Variants in KMT5B observed in about 807,000 individuals in gnomAD.
The protein encoded by KMT5B is histone-lysine N-methyltransferase KMT5B.
KMT5B carries 10 observed loss-of-function variants against 83.2 expected under a neutral mutation model. The ratio of observed to expected loss-of-function variants is 0.12; its 90% CI spans 0.07 to 0.20. The LOEUF (loss-of-function observed/expected upper bound fraction) is 0.20. KMT5B is among the 10% of genes least tolerant of loss of function. The pLI is 1.00. For synonymous variants in KMT5B, 349 were observed against 388.8 expected, an observed-to-expected ratio of 0.90 and a Z score of 1.20; for missense variants, 753 against 1,067.2, an observed-to-expected ratio of 0.71 and a Z score of 4.10.
intron 1 of KMT5B, among the ~76,000 whole-genome samples, chr11:68,198,244 C>T (rs1202109033): frequency 1.3e-5 from 2 of 152,014 alleles, no homozygotes; most frequent in African/African-American, 2.4e-5. Flanking sequence ...ATTAGCCAGG[C>T]GTGGTGTCAC....
rs776216673 is a variant in KMT5B, at chr11:68,158,923, A to C, written c.1423T>G (p.Leu475Val). The stretch of plus-strand genomic sequence containing the variant: ...ACTACTTTAGGCTCTTTCAGTACTA[A>C]GTTTCCCATTTCGAGTTTTCTTGAA... ...NASRKLEMGN[L>V]VLKEPKVVLY... The change falls in exon 11 of 11, where the codon TTA (leucine) becomes GTA (valine). Residue 475 changes from leucine (L) to valine (V), a missense_variant. Leu to Val is a conservative substitution (Grantham distance 32, BLOSUM62 1). Coordinates refer to ENST00000304363, the MANE Select transcript of KMT5B (RefSeq NM_017635.5). 6.2e-7 allele frequency: 1 copy of C among 1,613,818 alleles called. No individual in the cohort carries two copies. The highest frequency in any genetic ancestry group is 8.5e-7 in the Non-Finnish European group (1 of 1,179,982).
In KMT5B at chr11:68,198,386, AAGAAAAGAAG is replaced by A. The variant is rs200449105; in HGVS notation, c.-76-8244_-76-8235del. On this transcript the variant is annotated intron_variant, in intron 1 of 10. Transcript: ENST00000304363. ...CTGGGCGACACAGCAAGACTGTGAA[AAGAAAAGAAG>A]AGAAAAGAAGAGGAAAGAAGATGAA... 8.0e-3 allele frequency among the ~76,000 whole-genome samples: 1,218 copies of A among 152,082 alleles called. 22 individuals are homozygous for A. The highest frequency in any genetic ancestry group is 0.027 in the African/African-American group (1,117 of 41,404).
intron 5 of KMT5B, 170 bp from the exon 6 acceptor site, chr11:68,174,083 T>C: frequency 3.0e-6 from 2 of 666,318 alleles, no homozygotes; most frequent in Non-Finnish European, 5.5e-6. Flanking sequence ...CATGATGGCA[T>C]GTACCTTTAG....
At chr11:68,178,502 C>T (rs1210862467) in intron 4 of KMT5B, among the ~76,000 whole-genome samples, 1 of 152,194 alleles carries the variant, frequency 6.6e-6, no homozygotes, top group African/African-American at 2.4e-5. Flanking sequence ...TCCCTTGCTA[C>T]CAATAGCAAG....
chr11:68,190,436 T>G (rs972816533), intron 1 of KMT5B, among the ~76,000 whole-genome samples: 17 of 152,174 alleles, frequency 1.1e-4, no homozygotes, highest in Non-Finnish European at 2.4e-4. Context: ...TTAAGTTAAC[T>G]ATAAAACAGC....
Position 68,157,465 on chromosome 11 carries a change from A to C in KMT5B, c.*223T>G, listed in dbSNP as rs190932792. On this transcript the variant is annotated 3_prime_UTR_variant, in exon 11 of 11. Coordinates refer to ENST00000304363, the MANE Select transcript of KMT5B (RefSeq NM_017635.5). ...TATTTTACAACAGGGCTTTACCTCT[A>C]ACTCAGAATTGCACGTAAGAAGGCT... The C allele has an allele frequency of 1.1e-5, 6 of 538,038 alleles. No individual in the cohort carries two copies. In the East Asian group the frequency reaches 2.3e-4, roughly 21 times the overall value. 33.3% of individuals were successfully genotyped at this position (538,038 alleles called of 1,614,324 possible). A position where few individuals can be genotyped will look rare whatever the true frequency, so the allele number is the denominator to read the frequency against.
chr11:68,194,262 G>A (rs1451189964), intron 1 of KMT5B, among the ~76,000 whole-genome samples: 1 of 150,264 alleles, frequency 6.7e-6, no homozygotes, highest in Non-Finnish European at 1.5e-5. Flanking sequence ...CACGATCTTG[G>A]CTCACTGCAA....
intron 10 of KMT5B, among the ~76,000 whole-genome samples, chr11:68,164,321 C>T (rs751874780): frequency 6.6e-6 from 1 of 152,204 alleles, no homozygotes; most frequent in Non-Finnish European, 1.5e-5. Flanking sequence ...AAACGAACCA[C>T]ATGATAAAGA....
chr11:68,159,863 C>T (rs1030809072), intron 10 of KMT5B, among the ~76,000 whole-genome samples: 1 of 152,224 alleles, frequency 6.6e-6, no homozygotes, highest in Non-Finnish European at 1.5e-5. Flanking sequence ...TCAGCCCCAT[C>T]CCTTCAGTGA....
chr11:68,157,658 G>C lies in KMT5B; in HGVS notation c.*30C>G, dbSNP rs1274667831. 4 of 1,508,502 alleles carry C rather than the reference G, an allele frequency of 2.7e-6. No homozygotes were observed. Among genetic ancestry groups the C allele is most frequent in the Non-Finnish European group, 3.5e-6 (4 of 1,132,180 alleles). 93.4% of individuals were successfully genotyped at this position (1,508,502 alleles called of 1,614,324 possible). ...TGGAATTTTTTATTTCTTTAAAGTAGTTATCCCAGGTCAAGTTAAGACCAA... is the reference window on the plus strand; with the variant it reads ...TGGAATTTTTTATTTCTTTAAAGTACTTATCCCAGGTCAAGTTAAGACCAA... On this transcript the variant is annotated 3_prime_UTR_variant, in exon 11 of 11. Coordinates refer to ENST00000304363, the MANE Select transcript of KMT5B (RefSeq NM_017635.5).
chr11:68,165,616 T>C (rs1855249011), intron 10 of KMT5B: 1 of 673,862 alleles, frequency 1.5e-6, no homozygotes, highest in Non-Finnish European at 2.1e-6. Flanking sequence ...GGGCTACAGG[T>C]GTGCCACCAT....
rs115784029 is a variant in KMT5B, at chr11:68,206,221, G to A, written c.-77+6917C>T. On this transcript the variant is annotated intron_variant, in intron 1 of 10. Transcript: ENST00000304363. ...CACATTTGATCCATCTGCTTACCTA[G>A]CAGTGCCTAGAAATAAAATCAAGGA... Among the ~76,000 whole-genome samples the A allele has an allele frequency of 2.4e-3, 363 of 152,300 alleles. 2 individuals are homozygous for A. The highest frequency in any genetic ancestry group is 7.9e-3 in the African/African-American group (330 of 41,562).
chr11:68,183,762 T>G (rs1857173183), intron 3 of KMT5B, among the ~76,000 whole-genome samples: 1 of 150,246 alleles, frequency 6.7e-6, no homozygotes. Flanking sequence ...CGGGTTCACG[T>G]GATTCTCCTG....
intron 3 of KMT5B, among the ~76,000 whole-genome samples, chr11:68,183,259 T>G (rs182007519): frequency 1.3e-5 from 2 of 149,670 alleles, no homozygotes; most frequent in East Asian, 3.9e-4. Flanking sequence ...TGCTACAGGG[T>G]GACAAATATT....
Position 68,156,227 on chromosome 11 carries a change from T to C in KMT5B, c.*1461A>G, listed in dbSNP as rs966732777. The C allele has an allele frequency of 1.6e-4, 25 of 152,332 alleles. No homozygotes were observed. The highest frequency in any genetic ancestry group is 6.0e-4 in the African/African-American group (25 of 41,442). 9.4% of individuals were successfully genotyped at this position (152,332 alleles called of 1,614,324 possible). A position where few individuals can be genotyped will look rare whatever the true frequency, so the allele number is the denominator to read the frequency against. On this transcript the variant is annotated 3_prime_UTR_variant, in exon 11 of 11. Transcript: ENST00000304363. ...AACACTGTATATCAGAAAGTACAGG[T>C]ACACATTTCCCAGAAATAAAGAGAC... is the stretch of plus-strand genomic sequence containing the variant.
At chr11:68,194,083 T>TG (rs1858411378) in intron 1 of KMT5B, among the ~76,000 whole-genome samples, 1 of 152,068 alleles carries the variant, frequency 6.6e-6, no homozygotes, top group East Asian at 1.9e-4. Context: ...GACTCTAAAA[T>TG]GGACTTCATT....
At position 68,157,234 on chromosome 11, in the gene KMT5B, C is replaced by CA. The variant is rs1349437879; in HGVS notation, c.*453dup. 1 of 152,610 alleles carries CA rather than the reference C, an allele frequency of 6.6e-6. No individual in the cohort carries two copies. The highest frequency in any genetic ancestry group is 1.5e-5 in the Non-Finnish European group (1 of 68,216). 9.5% of individuals were successfully genotyped at this position (152,610 alleles called of 1,614,324 possible). A position where few individuals can be genotyped will look rare whatever the true frequency, so the allele number is the denominator to read the frequency against. On this transcript the variant is annotated 3_prime_UTR_variant, in exon 11 of 11. Coordinates refer to ENST00000304363, the MANE Select transcript of KMT5B (RefSeq NM_017635.5). ...AGGGGGAAACATCTAGCAAATAAAT[C>CA]AAAAAGCCAAAGATCATTGCTGGTG... is the stretch of plus-strand genomic sequence containing the variant.
chr11:68,201,696 T>C, intron 1 of KMT5B, among the ~76,000 whole-genome samples: 1 of 152,120 alleles, frequency 6.6e-6, no homozygotes, highest in Non-Finnish European at 1.5e-5. Context: ...GCTGAACTTG[T>C]CTGCAAACAG....
upstream of KMT5B, chr11:68,213,417 C>A: frequency 6.8e-6 from 1 of 146,090 alleles, no homozygotes; most frequent in South Asian, 1.8e-4. Flanking sequence ...CCCGCGCCCC[C>A]GGCCTCGGCT....
Sources: allele counts gnomAD v4.1 joint callset (sites outside exome capture counted in the v4.1 genomes callset), GRCh38; gene constraint gnomAD v4.1.1; transcripts MANE v1.5; gene names NCBI Gene and HGNC (gene_info 2026-07-23, HGNC 2026-07-21).